Variants in SUSD4 observed in about 807,000 individuals in gnomAD.
SUSD4 encodes sushi domain-containing protein 4.
In SUSD4, 41 loss-of-function variants were observed where a neutral mutation model predicts 50.5. The observed-to-expected ratio is 0.81, with a 90% confidence interval of 0.63 to 1.05. The LOEUF (loss-of-function observed/expected upper bound fraction) is 1.05. SUSD4 is among the 50% of genes least tolerant of loss of function. The pLI is 0.00. For missense variants in SUSD4, 580 were observed against 634.7 expected (o/e 0.91, Z 0.93); for synonymous variants, 257 against 257.3 (o/e 1.00, Z 0.01).
chr1:223,334,292 A>G (rs1268759486), intron 2 of SUSD4, among the ~76,000 whole-genome samples: 4 of 152,102 alleles, frequency 2.6e-5, no homozygotes, highest in African/African-American at 4.8e-5. Flanking sequence ...AAGTTATGGA[A>G]ATCCCTCAGA....
At chr1:223,307,558 C>T (rs1296293185) in intron 2 of SUSD4, among the ~76,000 whole-genome samples, 1 of 152,170 alleles carries the variant, frequency 6.6e-6, no homozygotes, top group Non-Finnish European at 1.5e-5. Flanking sequence ...GTCCAGATAG[C>T]ATGTGAGGTT....
chr1:223,360,851 A>G (rs1239447472), intron 2 of SUSD4, among the ~76,000 whole-genome samples: 3 of 152,210 alleles, frequency 2.0e-5, no homozygotes, highest in Admixed American at 1.3e-4. Flanking sequence ...AGCTCTGTGT[A>G]TCACCTGAAG....
intron 3 of SUSD4, among the ~76,000 whole-genome samples, chr1:223,286,308 G>T (rs907821363): frequency 3.9e-5 from 6 of 152,158 alleles, no homozygotes; most frequent in Non-Finnish European, 8.8e-5. Flanking sequence ...GTAGAGATGG[G>T]GTTTCACCGT....
chr1:223,357,147 T>C (rs1358537014), intron 2 of SUSD4, among the ~76,000 whole-genome samples: 1 of 152,220 alleles, frequency 6.6e-6, no homozygotes, highest in Non-Finnish European at 1.5e-5. Flanking sequence ...ACAAAAGGAC[T>C]GGCACATGGG....
rs1226635601 is a variant in SUSD4 at position 223,308,694 on chromosome 1, A to G, written c.149-16043T>C. Among the ~76,000 whole-genome samples the G allele has an allele frequency of 2.6e-5, 4 of 152,304 alleles. No individual in the cohort carries two copies. In the East Asian group the frequency reaches 7.7e-4, roughly 29 times the overall value. On this transcript the variant is annotated intron_variant, in intron 2 of 8. Transcript: ENST00000366878. Reference sequence around the variant, plus strand: ...TAGTAGAGAAATTTGAGACCAAAAAATGTAAACAACTGTGCCAGCTCCCAC... The same window carrying G: ...TAGTAGAGAAATTTGAGACCAAAAAGTGTAAACAACTGTGCCAGCTCCCAC...
chr1:223,280,321 T>G (rs561846466), intron 3 of SUSD4, among the ~76,000 whole-genome samples: 47 of 152,138 alleles, frequency 3.1e-4, no homozygotes, highest in Non-Finnish European at 6.3e-4. Flanking sequence ...GACCCATCAA[T>G]GTACTGTATT....
intron 2 of SUSD4, among the ~76,000 whole-genome samples, chr1:223,323,277 A>G (rs1360937019): frequency 2.0e-5 from 3 of 152,054 alleles, no homozygotes; most frequent in Non-Finnish European, 4.4e-5. Flanking sequence ...GAAGGAGGAA[A>G]AAAGGAGAAG....
At chr1:223,304,490 A>G (rs1054670618) in intron 2 of SUSD4, among the ~76,000 whole-genome samples, 3 of 151,992 alleles carry the variant, frequency 2.0e-5, no homozygotes, top group Non-Finnish European at 2.9e-5. Flanking sequence ...AGAAAAGTCC[A>G]TACACACCCT....
intron 2 of SUSD4, among the ~76,000 whole-genome samples, chr1:223,356,366 T>C (rs1309308080): frequency 6.6e-6 from 1 of 152,088 alleles, no homozygotes; most frequent in Non-Finnish European, 1.5e-5. Context: ...AAATTTAACC[T>C]TTTAGGGGGA....
intron 2 of SUSD4, among the ~76,000 whole-genome samples, chr1:223,295,299 T>C (rs954101393): frequency 6.6e-5 from 10 of 152,324 alleles, no homozygotes; most frequent in Admixed American, 2.0e-4. Flanking sequence ...TGGTTTTATA[T>C]AGTTTAGAAG....
chr1:223,262,367 T>C (rs989298049), intron 5 of SUSD4, among the ~76,000 whole-genome samples: 1 of 152,146 alleles, frequency 6.6e-6, no homozygotes, highest in Non-Finnish European at 1.5e-5. Flanking sequence ...AAAAATCAAA[T>C]TGTGCAAATC....
chr1:223,340,787 G>C (rs544490717), intron 2 of SUSD4, among the ~76,000 whole-genome samples: 2 of 152,296 alleles, frequency 1.3e-5, no homozygotes, highest in South Asian at 4.1e-4. Context: ...CTCACTGATA[G>C]AGAGTATGTC....
chr1:223,302,276 A>G (rs1312063500), intron 2 of SUSD4, among the ~76,000 whole-genome samples: 2 of 152,202 alleles, frequency 1.3e-5, no homozygotes, highest in Non-Finnish European at 2.9e-5. Context: ...TTCTTTATAA[A>G]TTACCCAGTC....
intron 2 of SUSD4, among the ~76,000 whole-genome samples, chr1:223,352,665 C>G: frequency 6.6e-6 from 1 of 152,180 alleles, no homozygotes; most frequent in East Asian, 1.9e-4. Context: ...CTCCAGCCCA[C>G]AGACACCCAG....
Position 223,257,466 on chromosome 1 carries a change from C to T in SUSD4, c.724+7164G>A, listed in dbSNP as rs75530093. ...GCCAGAGCCCAGGGTGGATGCTGGA[C>T]CTTGACTGGTGCTCCCAGGCCACCA... On this transcript the variant is annotated intron_variant, in intron 5 of 8. Coordinates refer to ENST00000366878, the MANE Select transcript of SUSD4 (RefSeq NM_017982.4). Among the ~76,000 whole-genome samples the T allele has an allele frequency of 9.2e-5, 14 of 152,320 alleles. No individual in the cohort carries two copies. In the East Asian group the frequency reaches 2.7e-3, roughly 29 times the overall value.
intron 2 of SUSD4, among the ~76,000 whole-genome samples, chr1:223,309,040 A>G (rs1302496529): frequency 6.6e-6 from 1 of 152,226 alleles, no homozygotes; most frequent in Admixed American, 6.5e-5. Context: ...GACTATAAAA[A>G]TTTGGGGAAA....
chr1:223,222,299 A>G, intron 8 of SUSD4, 79 bp from the exon 9 acceptor site: 7 of 1,456,836 alleles, frequency 4.8e-6, no homozygotes, highest in Non-Finnish European at 6.7e-6. Context: ...CCTCATTAAA[A>G]TATCTACAGT....
chr1:223,246,211 C>T (rs528183073), intron 5 of SUSD4, among the ~76,000 whole-genome samples: 3 of 152,180 alleles, frequency 2.0e-5, no homozygotes, highest in East Asian at 1.9e-4. Flanking sequence ...ATGGAAGCCG[C>T]GAGGGGAGAC....
chr1:223,353,081 T>A (rs751527167), intron 2 of SUSD4, among the ~76,000 whole-genome samples: 1 of 152,186 alleles, frequency 6.6e-6, no homozygotes, highest in Non-Finnish European at 1.5e-5. Context: ...CAACAGCTAT[T>A]GAGAAGTTCC....
Sources: allele counts gnomAD v4.1 joint callset (sites outside exome capture counted in the v4.1 genomes callset), GRCh38; gene constraint gnomAD v4.1.1; transcripts MANE v1.5; gene names NCBI Gene and HGNC (gene_info 2026-07-23, HGNC 2026-07-21).